The following SGO2 variants were observed in gnomAD, a reference collection of about 807,000 sequenced individuals.
SGO2 encodes shugoshin 2, also known as shugoshin-like 2.
Under a neutral mutation model 99.5 loss-of-function variants are expected in SGO2, and 68 were observed. The observed-to-expected ratio is 0.68, with a 90% confidence interval of 0.56 to 0.84. The LOEUF (loss-of-function observed/expected upper bound fraction) is 0.84, where lower values mean the gene tolerates loss of function less well. Ranked by LOEUF, SGO2 falls within the 40% of genes least tolerant of loss-of-function variation. The pLI is 0.00. For missense variants in SGO2, 1,350 were observed against 1,436.7 expected, an observed-to-expected ratio of 0.94 and a Z score of 0.97; for synonymous variants, 457 against 487.1, an observed-to-expected ratio of 0.94 and a Z score of 0.81.
intron 4 of SGO2, among the ~76,000 whole-genome samples, 185 bp from the exon 5 acceptor site, chr2:200,542,394 C>T (rs1377465099): frequency 1.3e-5 from 2 of 152,062 alleles, no homozygotes; most frequent in African/African-American, 4.8e-5. Flanking sequence ...GATTATCTTT[C>T]GTTGGCATGA....
rs988845206 is a variant in SGO2, at chr2:200,526,327, C to G, written c.-3+75C>G. ...GATCGGTGTCGTTCTTGAGTCGGTT[C>G]TCTAGGCGCTGTCCGCCTCGGTCTC... On this transcript the variant is annotated intron_variant, in intron 1 of 8. Transcript: ENST00000357799. The surrounding 1 kb of genome is among the most constrained non-coding windows in gnomAD (Gnocchi z 4.8). 6 of 152,288 alleles carry G rather than the reference C, an allele frequency of 3.9e-5. No individual in the cohort carries two copies. The allele number at this position is 152,288 out of a possible 1,614,324, so 9.4% of individuals were successfully genotyped here. A position where few individuals can be genotyped will look rare whatever the true frequency, so the allele number is the denominator to read the frequency against.
chr2:200,562,651 A>G (rs1193258627), intron 5 of SGO2, among the ~76,000 whole-genome samples: 1 of 152,166 alleles, frequency 6.6e-6, no homozygotes, highest in African/African-American at 2.4e-5. Flanking sequence ...CTTGGGCAGT[A>G]TGGCCATTTT....
Position 200,575,441 on chromosome 2 carries a change from T to G in SGO2, c.3762T>G (p.Phe1254Leu). Residue 1254 changes from phenylalanine to leucine, a missense_variant, in exon 8 of 9, where the codon TTT (phenylalanine) becomes TTG (leucine). Transcript: ENST00000357799. ...SRRRRCTPFYFKEPSLRDKMR... is the reference protein window; with the variant it reads ...SRRRRCTPFYLKEPSLRDKMR... ...GAAGAAGGTGTACTCCTTTCTATTTTAAAGAGCCAAGCCTCAGAGAGTAAG... is the reference window on the plus strand; with the variant it reads ...GAAGAAGGTGTACTCCTTTCTATTTGAAAGAGCCAAGCCTCAGAGAGTAAG... The G allele has an allele frequency of 6.3e-7, 1 of 1,594,474 alleles. No individual in the cohort carries two copies. The highest frequency in any genetic ancestry group is 8.6e-7 in the Non-Finnish European group (1 of 1,167,782).
At position 200,570,155 on chromosome 2, in the gene SGO2, A is replaced by G; in HGVS notation, c.703+263A>G. ...ATGGACCTAATGAGCTTTTCTCAAT[A>G]TCTTAGCTTATGATTTGAAAGATAC... On this transcript the variant is annotated intron_variant, in intron 6 of 8. Coordinates refer to ENST00000357799, the MANE Select transcript of SGO2 (RefSeq NM_152524.6). This position sits in a 1 kb window ranked among gnomAD's most constrained non-coding sequence, Gnocchi z 4.4. 1 of 409,194 alleles carries G rather than the reference A, an allele frequency of 2.4e-6. No homozygotes were observed. The highest frequency in any genetic ancestry group is 4.3e-6 in the Non-Finnish European group (1 of 232,814). 25.3% of individuals were successfully genotyped at this position (409,194 alleles called of 1,614,324 possible).
chr2:200,573,474 C>T lies in SGO2; in HGVS notation c.3128C>T (p.Thr1043Ile), dbSNP rs765276732. ...DPGNPVELCK[T>I]QKQSTTTLNK... ...GGAAACCCAGTTGAACTATGTAAGA[C>T]TCAGAAGCAAAGCACTACCACTTTG... The change falls in exon 7 of 9, where the codon ACT (threonine) becomes ATT (isoleucine). Residue 1043 changes from threonine (T) to isoleucine (I), a missense_variant. Thr to Ile is a moderately conservative substitution (Grantham distance 89). Transcript: ENST00000357799. 1.2e-6 allele frequency: 2 copies of T among 1,612,412 alleles called. No homozygotes were observed. The highest frequency in any genetic ancestry group is 1.7e-6 in the Non-Finnish European group (2 of 1,179,250).
In SGO2 at chr2:200,569,690, A is replaced by G. The variant is rs748191316; in HGVS notation, c.501A>G (p.Glu167=). ...ARVPLTSNDD[E]DEDKEKMQCD... ...TTCCATTAACTTCAAATGATGATGAAGATGAAGATAAAGAGAAAATGCAGT... is the reference window on the plus strand; with the variant it reads ...TTCCATTAACTTCAAATGATGATGAGGATGAAGATAAAGAGAAAATGCAGT... The change falls in exon 6 of 9, where the codon GAA becomes GAG. Residue 167 remains glutamate, a synonymous_variant. Transcript: ENST00000357799. The G allele has an allele frequency of 2.5e-6, 4 of 1,608,640 alleles. No individual in the cohort carries two copies. The highest frequency in any genetic ancestry group is 3.4e-6 in the Non-Finnish European group (4 of 1,177,542).
At position 200,571,628 on chromosome 2, in the gene SGO2, A is replaced by G; in HGVS notation, c.1282A>G (p.Lys428Glu). ...TAGTTCAGATGTCGATATTGGGGAA[A>G]AGATTGAAAACAGGACAGAAAGATC... ...KNSSDVDIGE[K>E]IENRTERSDV... is the part of the protein sequence containing the mutation. The change falls in exon 7 of 9, where the codon AAG becomes GAG. Residue 428 changes from lysine to glutamate, a missense_variant. Coordinates refer to ENST00000357799, the MANE Select transcript of SGO2 (RefSeq NM_152524.6). The G allele has an allele frequency of 6.2e-7, 1 of 1,612,992 alleles. No individual in the cohort carries two copies. Among genetic ancestry groups the G allele is most frequent in the Non-Finnish European group, 8.5e-7 (1 of 1,179,582 alleles).
At chr2:200,579,102 C>T (rs1322896739) in intron 8 of SGO2, among the ~76,000 whole-genome samples, 2 of 152,164 alleles carry the variant, frequency 1.3e-5, no homozygotes, top group African/African-American at 4.8e-5. Context: ...CAAAAGCATC[C>T]TGAGTTGAAA....
chr2:200,546,420 G>C (rs564728133), intron 5 of SGO2, among the ~76,000 whole-genome samples: 2 of 148,276 alleles, frequency 1.3e-5, no homozygotes, highest in East Asian at 2.0e-4. Context: ...TCCAAAACAG[G>C]CTGGACAAAG....
In SGO2 at chr2:200,583,346, CTTCTT is replaced by C. The variant is rs2106357151; in HGVS notation, c.3783-98_3783-94del. On this transcript the variant is annotated intron_variant, in intron 8 of 8. Transcript: ENST00000357799. ...TAACAAAGCTTATGGTTTAAGGAAA[CTTCTT>C]TTCTACTGATATGATGAAACAATTT... 14 of 942,618 alleles carry C rather than the reference CTTCTT, an allele frequency of 1.5e-5. No individual in the cohort carries two copies. The South Asian group carries it at 1.9e-4, about 13-fold the overall frequency. The allele number at this position is 942,618 out of a possible 1,614,324, so 58.4% of individuals were successfully genotyped here.
intron 5 of SGO2, among the ~76,000 whole-genome samples, chr2:200,569,332 T>C (rs1470538695): frequency 1.3e-5 from 2 of 152,156 alleles, no homozygotes; most frequent in Admixed American, 6.5e-5. Flanking sequence ...TTATGAAAAG[T>C]ATAAATATTA....
intron 8 of SGO2, among the ~76,000 whole-genome samples, chr2:200,576,710 C>T (rs929747468): frequency 6.6e-6 from 1 of 152,194 alleles, no homozygotes; most frequent in African/African-American, 2.4e-5. Flanking sequence ...ACTTTCCTAT[C>T]CTCCCAATTC....
At chr2:200,537,370 A>G (rs1457917136) in intron 4 of SGO2, among the ~76,000 whole-genome samples, 1 of 152,144 alleles carries the variant, frequency 6.6e-6, no homozygotes, top group African/African-American at 2.4e-5. Flanking sequence ...TTGCCTTTAC[A>G]GCAAAGCTTT....
intron 5 of SGO2, among the ~76,000 whole-genome samples, chr2:200,551,984 A>G (rs998550793): frequency 2.6e-5 from 4 of 152,184 alleles, no homozygotes; most frequent in Admixed American, 6.5e-5. Flanking sequence ...GAATTTTAGA[A>G]TCAGCTTGTC....
chr2:200,583,729 GT>G lies in SGO2; in HGVS notation c.*266del, dbSNP rs2033910312. 1 of 261,774 alleles carries G rather than the reference GT, an allele frequency of 3.8e-6. No individual in the cohort carries two copies. Among genetic ancestry groups the G allele is most frequent in the African/African-American group, 2.2e-5 (1 of 44,872 alleles). 16.2% of individuals were successfully genotyped at this position (261,774 alleles called of 1,614,324 possible). On this transcript the variant is annotated 3_prime_UTR_variant, in exon 9 of 9. Coordinates refer to ENST00000357799, the MANE Select transcript of SGO2 (RefSeq NM_152524.6). ...GTTTATTTAAGCTTCTTTTTACCTA[GT>G]AGCCTTTAACCAAACAATAACCTTT...
intron 4 of SGO2, among the ~76,000 whole-genome samples, chr2:200,536,750 A>G (rs2106308125): frequency 6.6e-6 from 1 of 152,216 alleles, no homozygotes; most frequent in African/African-American, 2.4e-5. Flanking sequence ...TTGCATACCA[A>G]GCTTTAAAAT....
intron 5 of SGO2, among the ~76,000 whole-genome samples, chr2:200,548,407 A>T (rs1482205228): frequency 6.6e-6 from 1 of 152,134 alleles, no homozygotes; most frequent in African/African-American, 2.4e-5. Context: ...GAAATTGAAA[A>T]TTTTCTTAAA....
rs184983764 is a variant in SGO2 at position 200,530,814 on chromosome 2, A to G, written c.-2-2160A>G. Reference sequence around the variant, plus strand: ...AGAATTGACTATTAGATTTAGCAGCACAGAAGTCATCAGAGATCTTGGAAA... The same window carrying G: ...AGAATTGACTATTAGATTTAGCAGCGCAGAAGTCATCAGAGATCTTGGAAA... On this transcript the variant is annotated intron_variant, in intron 1 of 8. Coordinates refer to ENST00000357799, the MANE Select transcript of SGO2 (RefSeq NM_152524.6). Among the ~76,000 whole-genome samples, 297 of 152,378 alleles carry G rather than the reference A, an allele frequency of 1.9e-3. 3 individuals are homozygous for G. Among genetic ancestry groups the G allele is most frequent in the Non-Finnish European group, 4.6e-4 (31 of 68,030 alleles).
intron 4 of SGO2, among the ~76,000 whole-genome samples, chr2:200,541,870 C>G (rs559524358): frequency 4.3e-4 from 66 of 152,012 alleles, no homozygotes; most frequent in African/African-American, 1.6e-3. Flanking sequence ...TTTCTGGACT[C>G]TCTGTTCTAT....
Sources: allele counts gnomAD v4.1 joint callset (sites outside exome capture counted in the v4.1 genomes callset), GRCh38; gene constraint gnomAD v4.1.1; non-coding constraint Gnocchi (gnomAD v3.1); transcripts MANE v1.5; gene names NCBI Gene and HGNC (gene_info 2026-07-23, HGNC 2026-07-21).